The following WFDC11 variants were observed in gnomAD, a reference collection of about 807,000 sequenced individuals.
WFDC11 encodes the protein WAP four-disulfide core domain 11.
In WFDC11, 9 loss-of-function variants were observed where a neutral mutation model predicts 9.9. The ratio of observed to expected loss-of-function variants is 0.91; its 90% CI spans 0.55 to 1.58. The LOEUF (loss-of-function observed/expected upper bound fraction) is 1.58. WFDC11 is among the 40% of genes most tolerant of loss of function. The probability of loss-of-function intolerance (pLI) is 0.00; values close to 1 mark genes in which losing one functional copy is unlikely to be tolerated. For missense variants in WFDC11, 106 were observed against 101.7 expected (o/e 1.04, Z -0.18); for synonymous variants, 32 against 33.3 (o/e 0.96, Z 0.13).
At chr20:45,650,210 AT>A (rs1303120233) in intron 3 of WFDC11, among the ~76,000 whole-genome samples, 12 of 97,838 alleles carry the variant, frequency 1.2e-4, no homozygotes, top group African/African-American at 5.1e-4. Flanking sequence ...TATGGTATAT[AT>A]ACACACACAC....
intron 3 of WFDC11, 111 bp downstream of exon 3, chr20:45,650,390 T>C (rs1046542966): frequency 1.3e-6 from 1 of 770,580 alleles, no homozygotes; most frequent in Non-Finnish European, 2.2e-6. Flanking sequence ...TGATGGGTGA[T>C]ACTACGAAGG....
At chr20:45,660,565 C>A (rs1217049469) in intron 2 of WFDC11, among the ~76,000 whole-genome samples, 5 of 152,108 alleles carry the variant, frequency 3.3e-5, no homozygotes, top group Non-Finnish European at 7.4e-5. Context: ...TCCCTCCCGC[C>A]TCTCCCCACC....
chr20:45,662,791 G>C (rs564127126), intron 2 of WFDC11, among the ~76,000 whole-genome samples: 2 of 152,306 alleles, frequency 1.3e-5, no homozygotes, highest in South Asian at 4.1e-4. Context: ...TGGTGGATAA[G>C]CTTTTTGATG....
At chr20:45,652,704 A>G (rs1381562701) in intron 2 of WFDC11, among the ~76,000 whole-genome samples, 1 of 152,218 alleles carries the variant, frequency 6.6e-6, no homozygotes, top group African/African-American at 2.4e-5. Context: ...CGAATGGCCA[A>G]CTAGAATAAC....
chr20:45,670,055 G>C (rs1171917230), intron 1 of WFDC11, 123 bp downstream of exon 1: 1 of 151,900 alleles, frequency 6.6e-6, no homozygotes, highest in Non-Finnish European at 1.5e-5. Flanking sequence ...ACACAAACTA[G>C]AAAACCTACA....
At chr20:45,652,805 T>A (rs1982839397) in intron 2 of WFDC11, among the ~76,000 whole-genome samples, 1 of 152,156 alleles carries the variant, frequency 6.6e-6, no homozygotes, top group South Asian at 2.1e-4. Context: ...CAGTAGCCAA[T>A]TCGATCAACT....
chr20:45,653,389 A>G (rs549198045), intron 2 of WFDC11, among the ~76,000 whole-genome samples: 9 of 152,244 alleles, frequency 5.9e-5, no homozygotes, highest in Admixed American at 4.6e-4. Flanking sequence ...GAGAGATTTT[A>G]TAACCACCAG....
At chr20:45,661,600 T>G (rs966619691) in intron 2 of WFDC11, among the ~76,000 whole-genome samples, 5 of 152,156 alleles carry the variant, frequency 3.3e-5, no homozygotes, top group Admixed American at 3.3e-4. Context: ...TTGTATACGG[T>G]GTAAGGAAGG....
intron 2 of WFDC11, among the ~76,000 whole-genome samples, chr20:45,659,283 A>C (rs929726102): frequency 6.6e-6 from 1 of 152,208 alleles, no homozygotes; most frequent in East Asian, 1.9e-4. Context: ...TTGAGGAATC[A>C]CCACACTGTC....
chr20:45,648,834 A>G, intron 4 of WFDC11, 95 bp from the exon 5 acceptor site: 1 of 1,291,088 alleles, frequency 7.7e-7, no homozygotes, highest in Non-Finnish European at 1.1e-6. Context: ...TTCACCAGAC[A>G]ATGGGACAAG....
rs147967074 is a variant in WFDC11 at position 45,648,770 on chromosome 20, G to C, written c.244-31C>G. On this transcript the variant is annotated intron_variant, in intron 4 of 4. Coordinates refer to ENST00000324384, the MANE Select transcript of WFDC11 (RefSeq NM_147197.2). The stretch of plus-strand genomic sequence containing the variant: ...AAACAAAAAGGTTAGATTTTTAGAG[G>C]CTAGAGAACTCTGAGAAACAAGCAT... 5,176 of 1,612,230 alleles carry C rather than the reference G, an allele frequency of 3.2e-3. 14 individuals are homozygous for C. Among genetic ancestry groups the C allele is most frequent in the Non-Finnish European group, 4.0e-3 (4,730 of 1,178,386 alleles).
chr20:45,649,189 T>A, intron 4 of WFDC11, 68 bp downstream of exon 4: 1 of 1,581,712 alleles, frequency 6.3e-7, no homozygotes, highest in Non-Finnish European at 8.6e-7. Context: ...TGTTTAGGAA[T>A]AACAGCCTCC....
intron 2 of WFDC11, among the ~76,000 whole-genome samples, chr20:45,654,621 CA>C (rs1196552106): frequency 6.6e-6 from 1 of 151,986 alleles, no homozygotes; most frequent in Non-Finnish European, 1.5e-5. Context: ...AAAAACCCTT[CA>C]AAAAATCAAT....
At chr20:45,665,978 G>C (rs1340736349) in intron 2 of WFDC11, among the ~76,000 whole-genome samples, 1 of 152,240 alleles carries the variant, frequency 6.6e-6, no homozygotes, top group Non-Finnish European at 1.5e-5. Flanking sequence ...GGACGTTTAG[G>C]TCTGCAGGAG....
intron 3 of WFDC11, among the ~76,000 whole-genome samples, chr20:45,650,211 TACACACAC>T (rs142774065): frequency 0.26 from 38,736 of 150,518 alleles, 5,776 homozygotes; most frequent in East Asian, 0.54. Context: ...ATGGTATATA[TACACACAC>T]ACACACACAC....
intron 3 of WFDC11, among the ~76,000 whole-genome samples, chr20:45,650,241 T>G (rs574909754): frequency 6.6e-6 from 1 of 151,812 alleles, no homozygotes; most frequent in East Asian, 1.9e-4. Context: ...TGTGTTTGTA[T>G]ATATATAGAG....
chr20:45,649,541 A>T, intron 3 of WFDC11, 142 bp from the exon 4 acceptor site: 2 of 1,016,768 alleles, frequency 2.0e-6, no homozygotes, highest in Non-Finnish European at 1.4e-6. Context: ...TTTTAAGGGA[A>T]TTGCCTTCAT....
At chr20:45,654,730 T>TA (rs1446388169) in intron 2 of WFDC11, among the ~76,000 whole-genome samples, 2 of 151,854 alleles carry the variant, frequency 1.3e-5, no homozygotes, top group African/African-American at 4.8e-5. Context: ...ATAGATGCAA[T>TA]AAAAAATGAT....
At chr20:45,652,277 A>G (rs572059155) in intron 2 of WFDC11, among the ~76,000 whole-genome samples, 2 of 152,208 alleles carry the variant, frequency 1.3e-5, no homozygotes, top group Non-Finnish European at 2.9e-5. Flanking sequence ...CTGTTCACCA[A>G]TCTCCGCTGT....
Sources: gnomAD v4.1 joint callset for allele counts (sites outside exome capture counted in the v4.1 genomes callset) on GRCh38, gnomAD v4.1.1 for gene constraint, MANE v1.5 for transcripts, NCBI Gene and HGNC (gene_info 2026-07-23, HGNC 2026-07-21) for gene names.